The following PREX1 variants were observed in gnomAD, a reference collection of about 807,000 sequenced individuals.
PREX1 encodes the protein phosphatidylinositol-3,4,5-trisphosphate dependent Rac exchange factor 1, also known as phosphatidylinositol 3,4,5-trisphosphate-dependent Rac exchanger 1 protein.
Under a neutral mutation model 198.3 loss-of-function variants are expected in PREX1, and 41 were observed. That is an observed-to-expected ratio of 0.21 (90% CI 0.16 to 0.27). The LOEUF is 0.27. Ranked by LOEUF, PREX1 falls within the 10% of genes least tolerant of loss-of-function variation. The pLI is 1.00. For synonymous variants in PREX1, 843 were observed against 887.2 expected, an observed-to-expected ratio of 0.95 and a Z score of 0.89; for missense variants, 1,620 against 2,200.7, an observed-to-expected ratio of 0.74 and a Z score of 5.28.
chr20:48,789,643 A>G (rs533401428), intron 1 of PREX1, among the ~76,000 whole-genome samples: 1 of 152,372 alleles, frequency 6.6e-6, no homozygotes, highest in South Asian at 2.1e-4. Flanking sequence ...TATCATATCA[A>G]AACCATTATT....
At chr20:48,739,956 A>C (rs2090073753) in intron 3 of PREX1, among the ~76,000 whole-genome samples, 1 of 152,176 alleles carries the variant, frequency 6.6e-6, no homozygotes, top group African/African-American at 2.4e-5. Context: ...AACCCAGCAC[A>C]AAGAAAATGT....
At chr20:48,790,866 C>A (rs2090335826) in intron 1 of PREX1, among the ~76,000 whole-genome samples, 1 of 152,174 alleles carries the variant, frequency 6.6e-6, no homozygotes, top group African/African-American at 2.4e-5. Context: ...CATATCCCAA[C>A]ATCCCCAGCA....
At chr20:48,652,562 G>A (rs1439326239) in intron 21 of PREX1, 24 bp downstream of exon 21, 2 of 1,590,588 alleles carry the variant, frequency 1.3e-6, no homozygotes, top group Non-Finnish European at 1.7e-6. Context: ...GGAAGCTCCT[G>A]TCATGCCATG....
Position 48,793,034 on chromosome 20 carries a change from A to G in PREX1, c.219+34608T>C, listed in dbSNP as rs1034921300. Among the ~76,000 whole-genome samples, 81 of 152,140 alleles carry G rather than the reference A, an allele frequency of 5.3e-4. 1 individual carries two copies. The highest frequency in any genetic ancestry group is 1.9e-3 in the African/African-American group (79 of 41,506). On this transcript the variant is annotated intron_variant, in intron 1 of 39. Coordinates refer to ENST00000371941, the MANE Select transcript of PREX1 (RefSeq NM_020820.4). ...AGCCTGGCCAACATTGCGATACCCC[A>G]TATCTACTAAAAATACAAAAATTAG...
At chr20:48,819,124 G>A (rs777604362) in intron 1 of PREX1, among the ~76,000 whole-genome samples, 2 of 152,078 alleles carry the variant, frequency 1.3e-5, no homozygotes, top group Admixed American at 1.3e-4. Flanking sequence ...TGGTTTCCAC[G>A]TCACCAACTG....
intron 1 of PREX1, among the ~76,000 whole-genome samples, chr20:48,772,992 C>G (rs570172950): frequency 6.6e-6 from 1 of 152,148 alleles, no homozygotes; most frequent in African/African-American, 2.4e-5. Context: ...ACTGGCCAGG[C>G]GCGGTGGCTC....
At chr20:48,721,582 G>A (rs1175921829) in intron 5 of PREX1, among the ~76,000 whole-genome samples, 1 of 152,242 alleles carries the variant, frequency 6.6e-6, no homozygotes, top group African/African-American at 2.4e-5. Context: ...GGTCAGAGAG[G>A]AACATGGGTG....
intron 16 of PREX1, among the ~76,000 whole-genome samples, 160 bp downstream of exon 16, chr20:48,659,759 C>G (rs145621514): frequency 6.6e-6 from 1 of 152,158 alleles, no homozygotes; most frequent in Non-Finnish European, 1.5e-5. Context: ...AGTGATGCAG[C>G]CTGGCTTCTT....
rs1397763674 is a variant in PREX1 at position 48,690,153 on chromosome 20, C to A, written c.1186+794G>T. On this transcript the variant is annotated intron_variant, in intron 9 of 39. Transcript: ENST00000371941. Reference sequence around the variant, plus strand: ...ATGATTTAGACACAGCAAGTGTGAGCATCTACGACACCTCCAAGTGGCAAT... The same window carrying A: ...ATGATTTAGACACAGCAAGTGTGAGAATCTACGACACCTCCAAGTGGCAAT... Among the ~76,000 whole-genome samples, 6 of 152,176 alleles carry A rather than the reference C, an allele frequency of 3.9e-5. No individual in the cohort carries two copies. The East Asian group carries it at 9.6e-4, about 24-fold the overall frequency.
At chr20:48,824,079 G>C (rs185353080) in intron 1 of PREX1, among the ~76,000 whole-genome samples, 114 of 152,272 alleles carry the variant, frequency 7.5e-4, no homozygotes, top group Middle Eastern at 6.8e-3. Context: ...CAGAGCACAC[G>C]GGGAGTACCC....
At chr20:48,828,604 CTA>C (rs1240460474), upstream of PREX1, among the ~76,000 whole-genome samples, 1 of 151,696 alleles carries the variant, frequency 6.6e-6, no homozygotes, top group Admixed American at 6.6e-5. Flanking sequence ...GCCCTCGGTG[CTA>C]CCACGACCTT....
chr20:48,763,757 T>C (rs992865167), intron 1 of PREX1, among the ~76,000 whole-genome samples: 6 of 152,158 alleles, frequency 3.9e-5, no homozygotes, highest in Admixed American at 6.5e-5. Context: ...TTTCCTCCCA[T>C]TGATTTTTCC....
chr20:48,663,156 A>G (rs964136483), intron 15 of PREX1, among the ~76,000 whole-genome samples: 6 of 152,250 alleles, frequency 3.9e-5, no homozygotes, highest in African/African-American at 1.2e-4. Context: ...AACTCTGGGC[A>G]TGCTGAGCGC....
intron 38 of PREX1, 48 bp from the exon 39 acceptor site, chr20:48,627,663 G>A (rs1359226690): frequency 9.2e-6 from 14 of 1,516,794 alleles, no homozygotes; most frequent in Middle Eastern, 1.7e-4. Context: ...TTCAGGGCAC[G>A]TGAGGAAGCA....
At chr20:48,668,556 C>T (rs1200103997) in intron 14 of PREX1, among the ~76,000 whole-genome samples, 1 of 152,206 alleles carries the variant, frequency 6.6e-6, no homozygotes, top group Non-Finnish European at 1.5e-5. Flanking sequence ...CCTGTACCCT[C>T]CCGTCCACAG....
chr20:48,704,434 G>C lies in PREX1; in HGVS notation c.784-3548C>G, dbSNP rs575190901. 5.9e-5 allele frequency among the ~76,000 whole-genome samples: 9 copies of C among 152,322 alleles called. 2 individuals carry two copies. The highest frequency in any genetic ancestry group is 2.2e-4 in the African/African-American group (9 of 41,568). The stretch of plus-strand genomic sequence containing the variant: ...CACTCCTGTTTCCTTCTCTCCCCTT[G>C]TGGGTGAGGGCGAGTGAGCAGTTGA... On this transcript the variant is annotated intron_variant, in intron 6 of 39. Transcript: ENST00000371941.
chr20:48,756,058 G>A (rs939671981), intron 1 of PREX1, among the ~76,000 whole-genome samples: 19 of 152,162 alleles, frequency 1.2e-4, no homozygotes, highest in Non-Finnish European at 2.8e-4. Context: ...GGCAGTGCCC[G>A]CCAGTGGGGA....
intron 1 of PREX1, among the ~76,000 whole-genome samples, chr20:48,753,454 G>A (rs6019400): frequency 6.6e-6 from 1 of 152,104 alleles, no homozygotes; most frequent in Non-Finnish European, 1.5e-5. Flanking sequence ...TCACAACTGA[G>A]GACAGGGGTG....
intron 1 of PREX1, among the ~76,000 whole-genome samples, chr20:48,754,087 A>G (rs966921542): frequency 1.3e-5 from 2 of 152,222 alleles, no homozygotes; most frequent in African/African-American, 4.8e-5. Flanking sequence ...GATGGGAGAG[A>G]CAGGGAGAAA....
Sources: gnomAD v4.1 joint callset for allele counts (sites outside exome capture counted in the v4.1 genomes callset) on GRCh38, gnomAD v4.1.1 for gene constraint, MANE v1.5 for transcripts, NCBI Gene and HGNC (gene_info 2026-07-23, HGNC 2026-07-21) for gene names.